Variants in PDZK1 observed in about 807,000 individuals in gnomAD.
The protein encoded by PDZK1 is PDZ domain containing 1.
Under a neutral mutation model 38.1 loss-of-function variants are expected in PDZK1, and 23 were observed. That is an observed-to-expected ratio of 0.60 (90% CI 0.43 to 0.85). The LOEUF is 0.85. PDZK1 is among the 40% of genes least tolerant of loss of function. The probability of loss-of-function intolerance (pLI) is 0.00; values close to 1 mark genes in which losing one functional copy is unlikely to be tolerated. For synonymous variants in PDZK1, 98 were observed against 186.2 expected (o/e 0.53, Z 3.86); for missense variants, 297 against 504.3 (o/e 0.59, Z 3.94).
intron 1 of PDZK1, among the ~76,000 whole-genome samples, chr1:145,694,518 T>C (rs1392759068): frequency 6.6e-6 from 1 of 152,234 alleles, no homozygotes; most frequent in Admixed American, 6.5e-5. Flanking sequence ...TGCAAAACAC[T>C]GTCAAGTGGT....
At chr1:145,671,758 T>C (rs1653081400) in intron 8 of PDZK1, 2 of 380,386 alleles carry the variant, frequency 5.3e-6, no homozygotes, top group Admixed American at 8.6e-5. Flanking sequence ...TTGATTGTTT[T>C]CAACTTGCTG....
In PDZK1 at chr1:145,678,762, A is replaced by G. The variant is rs376399622; in HGVS notation, c.794-117T>C. On this transcript the variant is annotated intron_variant, in intron 5 of 8. Coordinates refer to ENST00000417171, the MANE Select transcript of PDZK1 (RefSeq NM_001201325.2). ...AACAGATAAAAAAGGCATGCTGAGT[A>G]CAACTACCACCCCTTCCACCAGCAT... is the stretch of plus-strand genomic sequence containing the variant. 2,279 of 482,308 alleles carry G rather than the reference A, an allele frequency of 4.7e-3. 390 individuals are homozygous for G. The highest frequency in any genetic ancestry group is 0.028 in the East Asian group (221 of 7,766). 29.9% of individuals were successfully genotyped at this position (482,308 alleles called of 1,614,324 possible).
chr1:145,676,349 CTCA>C (rs1348579994), intron 6 of PDZK1: 3 of 164,098 alleles, frequency 1.8e-5, no homozygotes, highest in East Asian at 1.9e-4. Flanking sequence ...TGCAAAATGA[CTCA>C]TCATTTCTGG....
intron 5 of PDZK1, among the ~76,000 whole-genome samples, chr1:145,680,305 G>C (rs1654107035): frequency 6.6e-6 from 1 of 152,044 alleles, no homozygotes; most frequent in African/African-American, 2.4e-5. Flanking sequence ...AATGTAAACA[G>C]AGAGTGAAAA....
chr1:145,684,410 G>A (rs1427889915), intron 3 of PDZK1, among the ~76,000 whole-genome samples: 18 of 151,810 alleles, frequency 1.2e-4, no homozygotes, highest in Non-Finnish European at 1.5e-4. Context: ...GGGTTTCACC[G>A]TGTTAGCCAG....
intron 6 of PDZK1, among the ~76,000 whole-genome samples, chr1:145,676,516 A>G (rs1275718122): frequency 1.3e-5 from 2 of 150,840 alleles, no homozygotes; most frequent in African/African-American, 4.9e-5. Context: ...CGGGCGGATC[A>G]CAAGGTCAGG....
intron 6 of PDZK1, among the ~76,000 whole-genome samples, chr1:145,677,103 A>G (rs1653759735): frequency 1.3e-5 from 2 of 152,170 alleles, no homozygotes; most frequent in Admixed American, 1.3e-4. Flanking sequence ...GTACAGTAAG[A>G]TGGTCATCTC....
intron 1 of PDZK1, among the ~76,000 whole-genome samples, chr1:145,703,809 G>C (rs1343498953): frequency 1.3e-5 from 2 of 151,942 alleles, no homozygotes; most frequent in Non-Finnish European, 2.9e-5. Flanking sequence ...CATGTCGTGT[G>C]TCCCCAACAA....
intron 3 of PDZK1, among the ~76,000 whole-genome samples, chr1:145,684,093 C>T (rs1654522125): frequency 6.6e-6 from 1 of 151,716 alleles, no homozygotes; most frequent in East Asian, 1.9e-4. Flanking sequence ...GTAATCCACT[C>T]GCCTCGCACT....
chr1:145,692,012 C>G (rs1553703325), intron 1 of PDZK1, among the ~76,000 whole-genome samples: 1 of 151,764 alleles, frequency 6.6e-6, no homozygotes, highest in African/African-American at 2.4e-5. Context: ...CTAATTATAC[C>G]ATTAAATTTT....
chr1:145,699,559 A>G, intron 1 of PDZK1, among the ~76,000 whole-genome samples: 2 of 152,340 alleles, frequency 1.3e-5, no homozygotes, highest in South Asian at 2.1e-4. Flanking sequence ...GAAATGTTTC[A>G]GGGACTAGCT....
intron 5 of PDZK1, among the ~76,000 whole-genome samples, chr1:145,680,679 A>G (rs1654154636): frequency 6.9e-6 from 1 of 145,418 alleles, no homozygotes. Context: ...CAGAGAGCTA[A>G]CTTACCAGGA....
At chr1:145,673,389 AG>A (rs1653290817) in intron 7 of PDZK1, among the ~76,000 whole-genome samples, 1 of 151,198 alleles carries the variant, frequency 6.6e-6, no homozygotes, top group East Asian at 1.9e-4. Context: ...ACTGCCAATC[AG>A]GGTTGATAGT....
intron 2 of PDZK1, among the ~76,000 whole-genome samples, chr1:145,687,207 G>A (rs1654854626): frequency 1.3e-5 from 2 of 151,844 alleles, no homozygotes; most frequent in Non-Finnish European, 2.9e-5. Context: ...TCATGATGAG[G>A]ACTTAACAAG....
rs1654944967 is a variant in PDZK1, at chr1:145,688,018, T to C, written c.4A>G (p.Thr2Ala). The C allele has an allele frequency of 6.2e-7, 1 of 1,611,250 alleles. No homozygotes were observed. Among genetic ancestry groups the C allele is most frequent in the South Asian group, 1.1e-5 (1 of 90,934 alleles). The change falls in exon 2 of 9, where the codon ACC (threonine) becomes GCC (alanine). Residue 2 changes from threonine to alanine, a missense_variant. Thr to Ala is a moderately conservative substitution (Grantham distance 58). Transcript: ENST00000417171. ...CATTCTCGGGGGTTGAAGGTGGAGG[T>C]CATTTCTGTGATGAAAAAAATAAAT... Reference protein sequence around the residue: MTSTFNPRECKL... With the variant: MASTFNPRECKL...
At chr1:145,704,450 A>G (rs1656141159) in intron 1 of PDZK1, among the ~76,000 whole-genome samples, 1 of 152,194 alleles carries the variant, frequency 6.6e-6, no homozygotes, top group African/African-American at 2.4e-5. Flanking sequence ...TCCGGGGGTC[A>G]TGTAATAGCA....
intron 1 of PDZK1, 145 bp downstream of exon 1, chr1:145,707,172 G>C (rs933955739): frequency 6.6e-6 from 1 of 152,286 alleles, no homozygotes; most frequent in Non-Finnish European, 1.5e-5. Context: ...CCGCCAAAGG[G>C]GCCTGGCTGC....
chr1:145,693,757 G>A (rs1467321696), intron 1 of PDZK1, among the ~76,000 whole-genome samples: 2 of 149,748 alleles, frequency 1.3e-5, no homozygotes, highest in African/African-American at 4.9e-5. Flanking sequence ...CTGGGTGACA[G>A]AGCGAGACTC....
intron 3 of PDZK1, among the ~76,000 whole-genome samples, chr1:145,684,699 ATTG>A (rs1305924843): frequency 1.3e-4 from 20 of 149,438 alleles, no homozygotes; most frequent in Non-Finnish European, 2.5e-4. Context: ...TGTACAATAC[ATTG>A]TTGTTAACTA....
Sources: gnomAD v4.1 joint callset for allele counts (sites outside exome capture counted in the v4.1 genomes callset) on GRCh38, gnomAD v4.1.1 for gene constraint, MANE v1.5 for transcripts, NCBI Gene and HGNC (gene_info 2026-07-23, HGNC 2026-07-21) for gene names.